The following CSMD1 variants were observed in gnomAD, a reference collection of about 807,000 sequenced individuals.
CSMD1 encodes the protein CUB and Sushi multiple domains 1, also known as CUB and sushi domain-containing protein 1.
CSMD1 carries 213 observed loss-of-function variants against 417.5 expected under a neutral mutation model. The observed-to-expected ratio is 0.51, with a 90% CI of 0.46 to 0.57. The LOEUF (loss-of-function observed/expected upper bound fraction) is 0.57, where lower values mean the gene tolerates loss of function less well. CSMD1 is among the 20% of genes least tolerant of loss of function. The probability of loss-of-function intolerance (pLI) is 0.00; values close to 1 mark genes in which losing one functional copy is unlikely to be tolerated. For synonymous variants in CSMD1, 2,862 were observed against 1,736.8 expected (o/e 1.65, Z -16.11); for missense variants, 6,923 against 4,529.7 (o/e 1.53, Z -15.17).
Position 3,914,359 on chromosome 8 carries a change from CGTTGGA to C in CSMD1, c.818+83538_818+83543del, listed in dbSNP as rs1808665326. 7.0e-4 allele frequency among the ~76,000 whole-genome samples: 107 copies of C among 152,036 alleles called. 1 individual carries two copies. Among genetic ancestry groups the C allele is most frequent in the South Asian group, 6.2e-4 (3 of 4,804 alleles). Reference sequence around the variant, plus strand: ...GAGGGTATCAGGATGTGTCCCATTACGTTGGATAGATGTAAAAACATACGGGTACAG... The same window carrying C: ...GAGGGTATCAGGATGTGTCCCATTACTAGATGTAAAAACATACGGGTACAG... On this transcript the variant is annotated intron_variant, in intron 5 of 69. Transcript: ENST00000635120.
rs189185963 is a variant in CSMD1 at position 3,942,743 on chromosome 8, A to G, written c.818+55160T>C. ...TAACATACGCTCAAAATACTAATGC[A>G]TGTGTGAAGTCTGTATTTATTACTG... On this transcript the variant is annotated intron_variant, in intron 5 of 69. Coordinates refer to ENST00000635120, the MANE Select transcript of CSMD1 (RefSeq NM_033225.6). Among the ~76,000 whole-genome samples the G allele has an allele frequency of 5.3e-5, 8 of 152,290 alleles. No homozygotes were observed. In the East Asian group the frequency reaches 5.8e-4, roughly 11 times the overall value.
chr8:2,944,450 C>T (rs937899320), intron 68 of CSMD1, among the ~76,000 whole-genome samples: 1 of 152,134 alleles, frequency 6.6e-6, no homozygotes, highest in African/African-American at 2.4e-5. Context: ...ACTCAGATGG[C>T]ACCAACTTCA....
At chr8:3,261,013 C>G (rs1430309291) in intron 26 of CSMD1, among the ~76,000 whole-genome samples, 1 of 151,810 alleles carries the variant, frequency 6.6e-6, no homozygotes, top group Non-Finnish European at 1.5e-5. Flanking sequence ...CAAACAAATA[C>G]CAAAAAAAAC....
intron 3 of CSMD1, among the ~76,000 whole-genome samples, chr8:4,376,329 A>C (rs1208467593): frequency 6.6e-6 from 1 of 152,192 alleles, no homozygotes; most frequent in Non-Finnish European, 1.5e-5. Context: ...TCAAGAAGAG[A>C]ATAAAAGTTA....
intron 1 of CSMD1, among the ~76,000 whole-genome samples, chr8:4,837,159 C>T (rs1278995536): frequency 1.3e-5 from 2 of 150,848 alleles, no homozygotes; most frequent in South Asian, 2.1e-4. Flanking sequence ...TGAAAAGACA[C>T]TAACACATGC....
chr8:4,582,059 C>A (rs1484887482), intron 2 of CSMD1, among the ~76,000 whole-genome samples: 1 of 151,020 alleles, frequency 6.6e-6, no homozygotes, highest in East Asian at 1.9e-4. Flanking sequence ...TGGGACACTG[C>A]GTTCCGAGCC....
chr8:4,947,494 A>C (rs997717030), intron 1 of CSMD1, among the ~76,000 whole-genome samples: 3 of 152,164 alleles, frequency 2.0e-5, no homozygotes, highest in African/African-American at 7.2e-5. Flanking sequence ...AGAAAATGAG[A>C]ACCATGTGGT....
At chr8:3,746,331 G>C (rs1231289078) in intron 6 of CSMD1, among the ~76,000 whole-genome samples, 2 of 152,144 alleles carry the variant, frequency 1.3e-5, no homozygotes, top group South Asian at 2.1e-4. Flanking sequence ...AAATCTACCA[G>C]TCACTGCCAA....
At chr8:3,972,317 G>C (rs1476447349) in intron 5 of CSMD1, among the ~76,000 whole-genome samples, 1 of 152,146 alleles carries the variant, frequency 6.6e-6, no homozygotes, top group Non-Finnish European at 1.5e-5. Context: ...TAGAAATCCA[G>C]TTTTCCAAGA....
chr8:4,461,537 A>T (rs184522692), intron 2 of CSMD1, among the ~76,000 whole-genome samples: 283 of 106,400 alleles, frequency 2.7e-3, no homozygotes, highest in Non-Finnish European at 4.0e-3. Context: ...GCAAAAATCC[A>T]TATTTTTTTT....
chr8:3,444,005 A>G (rs1014258508), intron 12 of CSMD1, among the ~76,000 whole-genome samples: 3 of 152,136 alleles, frequency 2.0e-5, no homozygotes, highest in Non-Finnish European at 4.4e-5. Flanking sequence ...AAGACATGAG[A>G]AAAAACCTTG....
chr8:3,478,409 G>C (rs1309284351), intron 11 of CSMD1, among the ~76,000 whole-genome samples: 1 of 152,196 alleles, frequency 6.6e-6, no homozygotes, highest in Non-Finnish European at 1.5e-5. Context: ...TGGACTGCCA[G>C]TCCTCATGAC....
chr8:3,631,861 C>T (rs563897369), intron 7 of CSMD1, among the ~76,000 whole-genome samples: 1 of 152,048 alleles, frequency 6.6e-6, no homozygotes, highest in South Asian at 2.1e-4. Flanking sequence ...AACGTGAATT[C>T]CCCCCTGGTC....
intron 5 of CSMD1, among the ~76,000 whole-genome samples, chr8:3,760,236 TTTAG>T (rs1797917799): frequency 6.6e-6 from 1 of 152,206 alleles, no homozygotes; most frequent in Non-Finnish European, 1.5e-5. Flanking sequence ...GGACAGCTCC[TTTAG>T]AGATGGCAAA....
chr8:3,162,636 C>T (rs1819968924), intron 37 of CSMD1, among the ~76,000 whole-genome samples: 1 of 151,234 alleles, frequency 6.6e-6, no homozygotes, highest in Non-Finnish European at 1.5e-5. Context: ...GGATATTGCC[C>T]TCTTACTTTT....
intron 10 of CSMD1, among the ~76,000 whole-genome samples, chr8:3,509,113 G>A (rs1028083677): frequency 2.0e-5 from 3 of 152,144 alleles, no homozygotes; most frequent in African/African-American, 7.2e-5. Context: ...TGCTCAGTAG[G>A]ATTCTTATGA....
intron 5 of CSMD1, among the ~76,000 whole-genome samples, chr8:3,997,501 G>A (rs891839788): frequency 2.0e-5 from 3 of 152,184 alleles, no homozygotes; most frequent in Non-Finnish European, 4.4e-5. Context: ...AAAAAGGAAA[G>A]CACAATCATA....
At chr8:4,352,507 A>T (rs558615370) in intron 3 of CSMD1, among the ~76,000 whole-genome samples, 1 of 152,354 alleles carries the variant, frequency 6.6e-6, no homozygotes, top group East Asian at 1.9e-4. Context: ...AAGTTTGAAG[A>T]AACATGAAAT....
intron 5 of CSMD1, among the ~76,000 whole-genome samples, chr8:3,900,232 A>G (rs1395551922): frequency 6.8e-6 from 1 of 147,016 alleles, no homozygotes; most frequent in African/African-American, 2.5e-5. Context: ...CAGTGTTAAC[A>G]GTGGAGCTGG....
Sources: allele counts gnomAD v4.1 joint callset (sites outside exome capture counted in the v4.1 genomes callset), GRCh38; gene constraint gnomAD v4.1.1; transcripts MANE v1.5; gene names NCBI Gene and HGNC (gene_info 2026-07-23, HGNC 2026-07-21).